Variants in OCLN observed in about 807,000 individuals in gnomAD.
OCLN encodes phosphatase 1, regulatory subunit 115.
OCLN carries 21 observed loss-of-function variants against 47.9 expected under a neutral mutation model. The ratio of observed to expected loss-of-function variants is 0.44; its 90% confidence interval spans 0.31 to 0.63. The LOEUF (loss-of-function observed/expected upper bound fraction) is 0.63, where lower values mean the gene tolerates loss of function less well. OCLN is among the 30% of genes least tolerant of loss of function. OCLN has a pLI of 0.08. For synonymous variants in OCLN, 117 were observed against 198.4 expected (o/e 0.59, Z 3.45); for missense variants, 360 against 571.0 (o/e 0.63, Z 3.77).
chr5:69,514,178 TTG>T (rs1768863626), intron 4 of OCLN, 69 bp downstream of exon 4: 2 of 1,314,760 alleles, frequency 1.5e-6, no homozygotes, highest in Admixed American at 1.7e-5. Flanking sequence ...TTTTAGTGCT[TTG>T]TTAAACTTTA....
In OCLN at chr5:69,508,300, C is replaced by T. The variant is rs145841967; in HGVS notation, c.51-841C>T. Among the ~76,000 whole-genome samples the T allele has an allele frequency of 6.5e-3, 984 of 152,236 alleles. 10 individuals carry two copies. The highest frequency in any genetic ancestry group is 0.039 in the South Asian group (188 of 4,828). Reference sequence around the variant, plus strand: ...TCAAGTGATCTGCCCACCTCAGACTCTCCACTGTGCATTTTAACAGCGTAT... The same window carrying T: ...TCAAGTGATCTGCCCACCTCAGACTTTCCACTGTGCATTTTAACAGCGTAT... On this transcript the variant is annotated intron_variant, in intron 2 of 8. Coordinates refer to ENST00000396442, the MANE Select transcript of OCLN (RefSeq NM_001205254.2).
intron 4 of OCLN, among the ~76,000 whole-genome samples, chr5:69,531,649 A>T (rs951568036): frequency 4.5e-4 from 69 of 152,276 alleles, no homozygotes; most frequent in African/African-American, 1.6e-3. Flanking sequence ...GTCTGAGCAC[A>T]CTCCGTGGCA....
chr5:69,512,772 A>T (rs1768822297), intron 3 of OCLN, among the ~76,000 whole-genome samples: 1 of 152,232 alleles, frequency 6.6e-6, no homozygotes, highest in South Asian at 2.1e-4. Flanking sequence ...TTAAAAGCTA[A>T]GCAAGTGATT....
rs1012314110 is a variant in OCLN, at chr5:69,533,118, T to C, written c.892-1576T>C. On this transcript the variant is annotated intron_variant, in intron 4 of 8. Coordinates refer to ENST00000396442, the MANE Select transcript of OCLN (RefSeq NM_001205254.2). ...ACACACACACACACACATATATATATACACACACACACACACATATATATA... is the reference window on the plus strand; with the variant it reads ...ACACACACACACACACATATATATACACACACACACACACACATATATATA... Among the ~76,000 whole-genome samples the C allele has an allele frequency of 1.8e-3, 256 of 145,492 alleles. 1 individual carries two copies. The highest frequency in any genetic ancestry group is 3.6e-3 in the African/African-American group (132 of 36,566).
intron 4 of OCLN, among the ~76,000 whole-genome samples, chr5:69,523,161 A>C (rs1424101771): frequency 6.6e-6 from 1 of 152,162 alleles, no homozygotes; most frequent in African/African-American, 2.4e-5. Context: ...TTTTTATTAT[A>C]GTATGAGATA....
At chr5:69,549,570 T>C (rs1034884276) in intron 7 of OCLN, among the ~76,000 whole-genome samples, 2 of 146,844 alleles carry the variant, frequency 1.4e-5, no homozygotes, top group African/African-American at 4.9e-5. Flanking sequence ...ATGGGTTTTT[T>C]TTTTCCCTCC....
chr5:69,497,401 T>TC (rs1280045745), intron 1 of OCLN, among the ~76,000 whole-genome samples: 1 of 150,174 alleles, frequency 6.7e-6, no homozygotes, highest in Non-Finnish European at 1.5e-5. Flanking sequence ...TTTTTTTTTT[T>TC]TTTTTGAGCC....
rs1769944857 is a variant in OCLN, at chr5:69,555,236, A to T, written c.*1565A>T. 9.9e-6 allele frequency: 1 copy of T among 100,524 alleles called. No homozygotes were observed. Among genetic ancestry groups the T allele is most frequent in the African/African-American group, 3.8e-5 (1 of 26,376 alleles). 6.2% of individuals were successfully genotyped at this position (100,524 alleles called of 1,614,324 possible). A position where few individuals can be genotyped will look rare whatever the true frequency, so the allele number is the denominator to read the frequency against. On this transcript the variant is annotated 3_prime_UTR_variant, in exon 9 of 9. Coordinates refer to ENST00000396442, the MANE Select transcript of OCLN (RefSeq NM_001205254.2). ...GGCGTGAGCCACCATGCCTGGCCTA[A>T]GTGTGTGTGTGTGTGTGTGTGTGTA...
At chr5:69,533,058 CATAT>C (rs200103849) in intron 4 of OCLN, among the ~76,000 whole-genome samples, 1 of 138,138 alleles carries the variant, frequency 7.2e-6, no homozygotes, top group Non-Finnish European at 1.6e-5. Flanking sequence ...CACATATATA[CATAT>C]ATATATACAC....
At chr5:69,528,034 C>T (rs1470398586) in intron 4 of OCLN, among the ~76,000 whole-genome samples, 2 of 152,158 alleles carry the variant, frequency 1.3e-5, no homozygotes, top group African/African-American at 4.8e-5. Context: ...CATGTTCAAA[C>T]CTGGTCCACG....
chr5:69,503,752 C>T (rs144580949), intron 1 of OCLN, among the ~76,000 whole-genome samples: 2 of 152,176 alleles, frequency 1.3e-5, no homozygotes, highest in Non-Finnish European at 2.9e-5. Flanking sequence ...TCTACAATTC[C>T]ACCATTTATA....
chr5:69,512,768 G>A (rs1306537548), intron 3 of OCLN, among the ~76,000 whole-genome samples: 2 of 152,182 alleles, frequency 1.3e-5, no homozygotes, highest in Non-Finnish European at 2.9e-5. Flanking sequence ...ATGTTTAAAA[G>A]CTAAGCAAGT....
At chr5:69,523,527 CTT>C (rs766265503) in intron 4 of OCLN, among the ~76,000 whole-genome samples, 1 of 140,512 alleles carries the variant, frequency 7.1e-6, no homozygotes. Context: ...TAATGATTAC[CTT>C]TTTTTTTTTT....
rs1205946489 is a variant in OCLN at position 69,493,973 on chromosome 5, AC to A, written c.-69+1076del. On this transcript the variant is annotated intron_variant, in intron 1 of 8. Coordinates refer to ENST00000396442, the MANE Select transcript of OCLN (RefSeq NM_001205254.2). The surrounding 1 kb of genome is among the most constrained non-coding windows in gnomAD (Gnocchi z 5.3). Reference sequence around the variant, plus strand: ...GGCCACACTGCCCGCTTGGGGAATTACCCTGCTCGAGGAGGAGGCGGCGGCT... The same window carrying A: ...GGCCACACTGCCCGCTTGGGGAATTACCTGCTCGAGGAGGAGGCGGCGGCT... 1.3e-5 allele frequency among the ~76,000 whole-genome samples: 2 copies of A among 152,116 alleles called. No homozygotes were observed. The highest frequency in any genetic ancestry group is 4.8e-5 in the African/African-American group (2 of 41,438).
At chr5:69,501,858 G>T (rs1168105028) in intron 1 of OCLN, among the ~76,000 whole-genome samples, 1 of 152,100 alleles carries the variant, frequency 6.6e-6, no homozygotes, top group Non-Finnish European at 1.5e-5. Flanking sequence ...GTTGGGCAGG[G>T]TTTAATTCTG....
At chr5:69,510,416 T>C (rs1002145412) in intron 3 of OCLN, among the ~76,000 whole-genome samples, 3 of 152,144 alleles carry the variant, frequency 2.0e-5, no homozygotes, top group African/African-American at 2.4e-5. Flanking sequence ...GCACGGTGGC[T>C]CATGCTTGTA....
chr5:69,520,717 C>G (rs571253135), intron 4 of OCLN, among the ~76,000 whole-genome samples: 18 of 151,960 alleles, frequency 1.2e-4, no homozygotes, highest in Admixed American at 5.2e-4. Context: ...GGGTGTAGCT[C>G]TGTCACCCGT....
chr5:69,522,050 C>T (rs1276347702), intron 4 of OCLN, among the ~76,000 whole-genome samples: 1 of 152,088 alleles, frequency 6.6e-6, no homozygotes, highest in African/African-American at 2.4e-5. Context: ...TACCCAGGCT[C>T]GTTTTGAACT....
intron 4 of OCLN, among the ~76,000 whole-genome samples, chr5:69,533,108 C>CACACACACACACACACAT (rs1554055366): frequency 2.7e-5 from 4 of 146,892 alleles, no homozygotes; most frequent in Non-Finnish European, 5.9e-5. Context: ...CACACACACA[C>CACACACACACACACACAT]ATATATATAT....
Sources: allele counts gnomAD v4.1 joint callset (sites outside exome capture counted in the v4.1 genomes callset), GRCh38; gene constraint gnomAD v4.1.1; non-coding constraint Gnocchi (gnomAD v3.1); transcripts MANE v1.5; gene names NCBI Gene and HGNC (gene_info 2026-07-23, HGNC 2026-07-21).